Variants in TXNDC16 observed in about 807,000 individuals in gnomAD.
TXNDC16 encodes the protein thioredoxin domain-containing protein 16.
A neutral mutation model predicts 85.6 loss-of-function variants in TXNDC16; 74 were observed. The observed-to-expected ratio is 0.86, with a 90% CI of 0.72 to 1.05. TXNDC16 has a LOEUF of 1.05. TXNDC16 is among the 50% of genes least tolerant of loss of function. The pLI, the probability that TXNDC16 is intolerant of heterozygous loss-of-function variation, is 0.00. For missense variants in TXNDC16, 959 were observed against 947.0 expected (o/e 1.01, Z -0.17); for synonymous variants, 335 against 326.5 (o/e 1.03, Z -0.28).
At chr14:52,508,638 T>C (rs2036875298) in intron 9 of TXNDC16, among the ~76,000 whole-genome samples, 1 of 152,182 alleles carries the variant, frequency 6.6e-6, no homozygotes. Flanking sequence ...GCGGCACTAT[T>C]CACAATAGCA....
chr14:52,516,536 T>C (rs948156854), intron 7 of TXNDC16, among the ~76,000 whole-genome samples: 8 of 152,178 alleles, frequency 5.3e-5, no homozygotes, highest in African/African-American at 1.7e-4. Context: ...TTTTATCTAA[T>C]ATTCTAAAAT....
chr14:52,493,310 T>C (rs1251113235), intron 9 of TXNDC16, among the ~76,000 whole-genome samples: 2 of 151,544 alleles, frequency 1.3e-5, no homozygotes, highest in Admixed American at 1.3e-4. Flanking sequence ...AAATTGTGAA[T>C]AGATATCCAA....
At chr14:52,447,574 C>T (rs560997312) in intron 18 of TXNDC16, among the ~76,000 whole-genome samples, 18 of 152,256 alleles carry the variant, frequency 1.2e-4, no homozygotes, top group Admixed American at 9.8e-4. Flanking sequence ...AACAGAGAGA[C>T]GGACTCCATT....
intron 12 of TXNDC16, among the ~76,000 whole-genome samples, chr14:52,486,968 G>T: frequency 6.6e-6 from 1 of 152,048 alleles, no homozygotes; most frequent in African/African-American, 2.4e-5. Context: ...TTAAAAAAAT[G>T]GAAATAAAAA....
chr14:52,455,247 A>C, intron 18 of TXNDC16, 77 bp downstream of exon 18: 4 of 1,543,494 alleles, frequency 2.6e-6, no homozygotes, highest in Non-Finnish European at 1.8e-6. Context: ...AAATGGAAAA[A>C]TGTGTATGAA....
intron 7 of TXNDC16, among the ~76,000 whole-genome samples, chr14:52,517,631 C>G (rs1296411656): frequency 6.6e-6 from 1 of 152,102 alleles, no homozygotes; most frequent in Non-Finnish European, 1.5e-5. Context: ...TGCTCCCACC[C>G]AAGAACAACC....
At chr14:52,486,170 T>C (rs1195462810) in intron 12 of TXNDC16, among the ~76,000 whole-genome samples, 9 of 152,134 alleles carry the variant, frequency 5.9e-5, no homozygotes, top group Admixed American at 2.0e-4. Context: ...CCTTTCCCTC[T>C]TTTCTTATAT....
At chr14:52,496,020 T>C (rs2036523580) in intron 9 of TXNDC16, among the ~76,000 whole-genome samples, 1 of 151,444 alleles carries the variant, frequency 6.6e-6, no homozygotes, top group Non-Finnish European at 1.5e-5. Flanking sequence ...ATTAGCCGGG[T>C]GTGGTGGTGG....
In TXNDC16 at chr14:52,496,176, G is replaced by C. The variant is rs186961608; in HGVS notation, c.757-5171C>G. On this transcript the variant is annotated intron_variant, in intron 9 of 20. Coordinates refer to ENST00000281741, the MANE Select transcript of TXNDC16 (RefSeq NM_020784.3). The stretch of plus-strand genomic sequence containing the variant: ...CTCCATCTCAAAAAAAAAAAAAAGA[G>C]ACAGATCATTTTCCCCAATACATAC... Among the ~76,000 whole-genome samples, 8 of 151,538 alleles carry C rather than the reference G, an allele frequency of 5.3e-5. No homozygotes were observed. The East Asian group carries it at 9.7e-4, about 18-fold the overall frequency.
chr14:52,470,109 C>T lies in TXNDC16; in HGVS notation c.1546G>A (p.Glu516Lys), dbSNP rs1302424548. 5 of 1,610,884 alleles carry T rather than the reference C, an allele frequency of 3.1e-6. No individual in the cohort carries two copies. The highest frequency in any genetic ancestry group is 1.1e-5 in the South Asian group (1 of 90,628). The change falls in exon 16 of 21, where the codon GAA becomes AAA. Residue 516 changes from glutamate (E) to lysine (K), a missense_variant. Coordinates refer to ENST00000281741, the MANE Select transcript of TXNDC16 (RefSeq NM_020784.3). ...IQEAEEYLSG[E>K]LYKDLILYSS... Reference sequence around the variant, plus strand: ...TACAAGATGAGGTCTTTATATAATTCCCCACTTAAATATTCTTCTGCTTCT... The same window carrying T: ...TACAAGATGAGGTCTTTATATAATTTCCCACTTAAATATTCTTCTGCTTCT...
At chr14:52,510,589 A>G (rs1009138707) in intron 9 of TXNDC16, among the ~76,000 whole-genome samples, 4 of 152,236 alleles carry the variant, frequency 2.6e-5, no homozygotes, top group African/African-American at 9.6e-5. Flanking sequence ...GTGACTTCTT[A>G]AAACTTTTCC....
intron 9 of TXNDC16, among the ~76,000 whole-genome samples, chr14:52,498,368 C>T (rs2036579968): frequency 6.6e-6 from 1 of 151,610 alleles, no homozygotes; most frequent in Non-Finnish European, 1.5e-5. Context: ...TCTCTGTTCA[C>T]AGGTAATAGG....
intron 6 of TXNDC16, 143 bp downstream of exon 6, chr14:52,536,576 G>T: frequency 1.3e-6 from 1 of 763,928 alleles, no homozygotes; most frequent in Non-Finnish European, 2.0e-6. Context: ...GATGTGGGAA[G>T]ATAGATTAGT....
rs534344299 is a variant in TXNDC16 at position 52,458,839 on chromosome 14, T to G, written c.1619-1665A>C. Among the ~76,000 whole-genome samples, 16 of 152,144 alleles carry G rather than the reference T, an allele frequency of 1.1e-4. No homozygotes were observed. The East Asian group carries it at 2.7e-3, about 26-fold the overall frequency. On this transcript the variant is annotated intron_variant, in intron 16 of 20. Coordinates refer to ENST00000281741, the MANE Select transcript of TXNDC16 (RefSeq NM_020784.3). The stretch of plus-strand genomic sequence containing the variant: ...TTCCTCATACAAAAGACTCTCTACT[T>G]ATGAATATGTCTCTTAAAAAGTCTC...
chr14:52,517,813 G>T (rs1015901418), intron 7 of TXNDC16, among the ~76,000 whole-genome samples: 1 of 151,986 alleles, frequency 6.6e-6, no homozygotes, highest in Non-Finnish European at 1.5e-5. Flanking sequence ...TATTCTTCCA[G>T]CCAGTGCCCC....
At chr14:52,527,067 G>A (rs1043663416) in intron 6 of TXNDC16, among the ~76,000 whole-genome samples, 3 of 152,114 alleles carry the variant, frequency 2.0e-5, no homozygotes, top group Non-Finnish European at 4.4e-5. Context: ...TATCCTTTGC[G>A]ATACTCTTTG....
rs373251246 is a variant in TXNDC16 at position 52,499,856 on chromosome 14, AT to A, written c.757-8852del. On this transcript the variant is annotated intron_variant, in intron 9 of 20. Transcript: ENST00000281741. ...CATATACCTACACGCTCCATCTTGT[AT>A]ACCTTAAAATCATCTCTAGATTATT... is the stretch of plus-strand genomic sequence containing the variant. Among the ~76,000 whole-genome samples the A allele has an allele frequency of 2.3e-4, 35 of 152,308 alleles. No homozygotes were observed. In the East Asian group the frequency reaches 6.4e-3, roughly 28 times the overall value.
At chr14:52,538,292 A>T (rs923333594) in intron 4 of TXNDC16, among the ~76,000 whole-genome samples, 2 of 152,214 alleles carry the variant, frequency 1.3e-5, no homozygotes, top group African/African-American at 4.8e-5. Flanking sequence ...ACCATAAGGC[A>T]TCTTTAAAGA....
intron 6 of TXNDC16, among the ~76,000 whole-genome samples, chr14:52,529,068 T>C (rs11624388): frequency 5.4e-5 from 8 of 148,974 alleles, no homozygotes; most frequent in Non-Finnish European, 1.0e-4. Context: ...CAATGACTTG[T>C]AACCAACCCA....
Sources: allele counts gnomAD v4.1 joint callset (sites outside exome capture counted in the v4.1 genomes callset), GRCh38; gene constraint gnomAD v4.1.1; transcripts MANE v1.5; gene names NCBI Gene and HGNC (gene_info 2026-07-23, HGNC 2026-07-21).